Variants in FHIT observed in about 807,000 individuals in gnomAD.
FHIT encodes fragile histidine triad diadenosine triphosphatase.
A neutral mutation model predicts 17.9 loss-of-function variants in FHIT; 19 were observed. The ratio of observed to expected loss-of-function variants is 1.06; its 90% CI spans 0.74 to 1.56. FHIT has a LOEUF of 1.56. FHIT is among the 40% of genes most tolerant of loss of function. The pLI, the probability that FHIT is intolerant of heterozygous loss-of-function variation, is 0.00. For missense variants in FHIT, 248 were observed against 189.2 expected, an observed-to-expected ratio of 1.31 and a Z score of -1.82; for synonymous variants, 81 against 69.7, an observed-to-expected ratio of 1.16 and a Z score of -0.81.
chr3:60,753,317 T>G (rs2108036407), intron 4 of FHIT, among the ~76,000 whole-genome samples: 1 of 152,328 alleles, frequency 6.6e-6, no homozygotes, highest in South Asian at 2.1e-4. Flanking sequence ...ATTAATTCTT[T>G]TATTCTCTGG....
intron 4 of FHIT, among the ~76,000 whole-genome samples, chr3:60,716,529 C>G (rs962682391): frequency 2.0e-5 from 3 of 152,112 alleles, no homozygotes; most frequent in South Asian, 4.1e-4. Context: ...GGGGCAGTAA[C>G]AGGCATGAAG....
intron 3 of FHIT, among the ~76,000 whole-genome samples, chr3:61,016,546 C>T (rs192528866): frequency 7.9e-5 from 12 of 152,256 alleles, no homozygotes; most frequent in East Asian, 1.9e-4. Context: ...CTTATGACAA[C>T]GGTCATTAAT....
chr3:60,365,885 A>C (rs77017585), intron 5 of FHIT, among the ~76,000 whole-genome samples: 2,969 of 152,258 alleles, frequency 0.019, 94 homozygotes, highest in African/African-American at 0.067. Context: ...AATATACCTG[A>C]TTAACAAACA....
chr3:60,877,508 G>A (rs551432549), intron 3 of FHIT, among the ~76,000 whole-genome samples: 78 of 152,280 alleles, frequency 5.1e-4, no homozygotes, highest in African/African-American at 1.8e-3. Context: ...GCTTCTAGGG[G>A]TCTGAGCCAA....
At chr3:59,841,818 G>A (rs1442481509) in intron 8 of FHIT, among the ~76,000 whole-genome samples, 4 of 152,082 alleles carry the variant, frequency 2.6e-5, no homozygotes, top group Non-Finnish European at 5.9e-5. Flanking sequence ...TGAGACCTAT[G>A]GGATTAGCAG....
At chr3:60,785,896 G>GACACAC (rs71092634) in intron 4 of FHIT, among the ~76,000 whole-genome samples, 225 of 85,868 alleles carry the variant, frequency 2.6e-3, no homozygotes, top group South Asian at 6.0e-3. Context: ...ACAAACAGAA[G>GACACAC]ACACACACAC....
At chr3:60,984,585 T>A (rs562880750) in intron 3 of FHIT, among the ~76,000 whole-genome samples, 1 of 152,312 alleles carries the variant, frequency 6.6e-6, no homozygotes, top group Admixed American at 6.5e-5. Flanking sequence ...AGAACTGTGC[T>A]AAGAACTGAT....
chr3:60,595,850 C>T (rs1385331758), intron 4 of FHIT, among the ~76,000 whole-genome samples: 2 of 151,946 alleles, frequency 1.3e-5, no homozygotes, highest in East Asian at 3.9e-4. Context: ...GTTGCCCAGG[C>T]TGGTCTTGAA....
chr3:60,215,138 CA>C (rs1201289129), intron 5 of FHIT, among the ~76,000 whole-genome samples: 1 of 151,930 alleles, frequency 6.6e-6, no homozygotes, highest in Admixed American at 6.6e-5. Context: ...ACCCGTGTAA[CA>C]AGCCTGGATG....
intron 4 of FHIT, chr3:60,732,683 G>GATTTTTT: frequency 5.2e-6 from 1 of 192,980 alleles, no homozygotes; most frequent in Non-Finnish European, 9.8e-6. Context: ...TGCAAAGACT[G>GATTTTTT]CTTTTTTTTT....
intron 8 of FHIT, among the ~76,000 whole-genome samples, chr3:59,899,418 G>A (rs1225426678): frequency 6.6e-6 from 1 of 152,156 alleles, no homozygotes; most frequent in East Asian, 1.9e-4. Context: ...CCCTCAAGGA[G>A]CCCTCATCTA....
At chr3:59,949,597 C>G (rs577351291) in intron 7 of FHIT, among the ~76,000 whole-genome samples, 1 of 152,244 alleles carries the variant, frequency 6.6e-6, no homozygotes, top group African/African-American at 2.4e-5. Flanking sequence ...TACACACACT[C>G]AGATGTGTTA....
At chr3:61,074,776 T>G (rs1314289426) in intron 2 of FHIT, among the ~76,000 whole-genome samples, 1 of 152,138 alleles carries the variant, frequency 6.6e-6, no homozygotes, top group African/African-American at 2.4e-5. Context: ...TAAAGATGGG[T>G]TAAGAGGACT....
intron 5 of FHIT, among the ~76,000 whole-genome samples, chr3:60,076,460 G>C (rs1269125075): frequency 6.6e-6 from 1 of 151,032 alleles, no homozygotes; most frequent in Non-Finnish European, 1.5e-5. Context: ...GAAAGTGAAA[G>C]TGTTTTATAC....
intron 1 of FHIT, among the ~76,000 whole-genome samples, chr3:61,213,857 C>A (rs1018930155): frequency 6.6e-6 from 1 of 152,170 alleles, no homozygotes; most frequent in Non-Finnish European, 1.5e-5. Flanking sequence ...GAATCTCACT[C>A]AAAACCGCTC....
Position 61,123,670 on chromosome 3 carries a change from C to T in FHIT, c.-164+76947G>A, listed in dbSNP as rs572128316. Among the ~76,000 whole-genome samples, 9 of 152,080 alleles carry T rather than the reference C, an allele frequency of 5.9e-5. No homozygotes were observed. In the South Asian group the frequency reaches 1.9e-3, roughly 32 times the overall value. Reference sequence around the variant, plus strand: ...TAACCTACTTCTTCTTGTTCTATCCCCCACATTATGCTTGCTCTGTTAATG... The same window carrying T: ...TAACCTACTTCTTCTTGTTCTATCCTCCACATTATGCTTGCTCTGTTAATG... On this transcript the variant is annotated intron_variant, in intron 2 of 9. Coordinates refer to ENST00000492590, the MANE Select transcript of FHIT (RefSeq NM_002012.4).
chr3:60,810,449 G>C (rs1235482229), intron 4 of FHIT, among the ~76,000 whole-genome samples: 2 of 152,168 alleles, frequency 1.3e-5, no homozygotes, highest in Non-Finnish European at 2.9e-5. Context: ...ACAACCTGAA[G>C]AAACCCACAG....
chr3:61,043,740 C>A (rs184767893), intron 2 of FHIT, among the ~76,000 whole-genome samples: 213 of 152,340 alleles, frequency 1.4e-3, no homozygotes, highest in Non-Finnish European at 2.6e-3. Flanking sequence ...TAGGGGCCGA[C>A]TGACACCTCA....
chr3:60,038,846 A>G (rs1701325445), intron 5 of FHIT, among the ~76,000 whole-genome samples: 2 of 152,372 alleles, frequency 1.3e-5, no homozygotes, highest in South Asian at 4.1e-4. Context: ...TACACAAAAA[A>G]TAAGACACAT....
Sources: gnomAD v4.1 joint callset for allele counts (sites outside exome capture counted in the v4.1 genomes callset) on GRCh38, gnomAD v4.1.1 for gene constraint, MANE v1.5 for transcripts, NCBI Gene and HGNC (gene_info 2026-07-23, HGNC 2026-07-21) for gene names.